Variants in ASB8 observed in about 807,000 individuals in gnomAD.
ASB8 encodes ankyrin repeat and SOCS box containing 8.
In ASB8, 15 loss-of-function variants were observed where a neutral mutation model predicts 22.9. The ratio of observed to expected loss-of-function variants is 0.66; its 90% CI spans 0.44 to 1.01. ASB8 has a LOEUF of 1.01. Ranked by LOEUF, ASB8 falls within the 50% of genes least tolerant of loss-of-function variation. The pLI is 0.00. For synonymous variants in ASB8, 124 were observed against 140.8 expected (o/e 0.88, Z 0.84); for missense variants, 294 against 356.9 (o/e 0.82, Z 1.42).
chr12:48,155,989 C>G (rs1203689218), intron 1 of ASB8, among the ~76,000 whole-genome samples: 2 of 151,780 alleles, frequency 1.3e-5, no homozygotes, highest in Non-Finnish European at 2.9e-5. Context: ...GTTGGCCAAA[C>G]TGGTCTCAAA....
Position 48,155,356 on chromosome 12 carries a change from A to C in ASB8, c.-33-1827T>G, listed in dbSNP as rs921512825. Among the ~76,000 whole-genome samples, 9 of 152,230 alleles carry C rather than the reference A, an allele frequency of 5.9e-5. No homozygotes were observed. The East Asian group carries it at 1.7e-3, about 29-fold the overall frequency. On this transcript the variant is annotated intron_variant, in intron 1 of 3. Transcript: ENST00000317697. ...ACCAATGTAAAGTTTATTACTTTAGATCCTAAGAAATTCAAGACTTGAAAT... is the reference window on the plus strand; with the variant it reads ...ACCAATGTAAAGTTTATTACTTTAGCTCCTAAGAAATTCAAGACTTGAAAT...
intron 1 of ASB8, 69 bp from the exon 2 acceptor site, chr12:48,153,598 C>CT (rs1951239540): frequency 8.0e-7 from 1 of 1,252,346 alleles, no homozygotes; most frequent in Admixed American, 2.1e-5. Flanking sequence ...TAGGTCTTCT[C>CT]TGAGGCCTTC....
chr12:48,156,470 G>T (rs1424731792), intron 1 of ASB8, among the ~76,000 whole-genome samples: 1 of 152,056 alleles, frequency 6.6e-6, no homozygotes. Context: ...TCTAAAGCAG[G>T]AGGCTTGGAC....
At chr12:48,156,868 G>A (rs1478706087) in intron 1 of ASB8, among the ~76,000 whole-genome samples, 2 of 151,514 alleles carry the variant, frequency 1.3e-5, no homozygotes, top group Admixed American at 1.3e-4. Flanking sequence ...AGCAGCCCGT[G>A]TAAGGTTTGA....
intron 1 of ASB8, among the ~76,000 whole-genome samples, chr12:48,155,742 A>AATATATAT (rs1555211490): frequency 2.6e-5 from 3 of 114,954 alleles, no homozygotes; most frequent in East Asian, 2.6e-4. Flanking sequence ...AAAAAAAAAA[A>AATATATAT]ATATATATAT....
intron 1 of ASB8, among the ~76,000 whole-genome samples, chr12:48,156,075 C>A (rs1028887417): frequency 1.3e-5 from 2 of 151,968 alleles, no homozygotes; most frequent in Admixed American, 6.6e-5. Flanking sequence ...CCATGCCCGG[C>A]CTATTTTTGC....
Position 48,153,467 on chromosome 12 carries a change from C to T in ASB8, c.30G>A (p.Gln10=). The T allele has an allele frequency of 6.2e-7, 1 of 1,613,872 alleles. No homozygotes were observed. The highest frequency in any genetic ancestry group is 8.5e-7 in the Non-Finnish European group (1 of 1,179,794). The stretch of plus-strand genomic sequence containing the variant: ...AGAGAGAGTATTTGCTCTGAATGCT[C>T]TGCATAATATACCACATACTGGAAC... MSSSMWYIM[Q]SIQSKYSLSE... is the part of the protein sequence containing the mutation. Residue 10 remains glutamine (Q), a synonymous_variant, in exon 2 of 4, where the codon CAG becomes CAA. Coordinates refer to ENST00000317697, the MANE Select transcript of ASB8 (RefSeq NM_024095.5).
chr12:48,151,388 C>A, intron 2 of ASB8, 83 bp from the exon 3 acceptor site: 2 of 1,161,080 alleles, frequency 1.7e-6, no homozygotes, highest in South Asian at 1.4e-5. Flanking sequence ...GTCCAGGGGA[C>A]AGAGAGTTCT....
chr12:48,155,736 A>ATATAT (rs1555211480), intron 1 of ASB8, among the ~76,000 whole-genome samples: 6 of 120,780 alleles, frequency 5.0e-5, no homozygotes, highest in African/African-American at 1.5e-4. Flanking sequence ...TCTCAAAAAA[A>ATATAT]AAAAAAATAT....
At chr12:48,153,705 GGA>G (rs1460943020) in intron 1 of ASB8, 176 bp from the exon 2 acceptor site, 2 of 455,916 alleles carry the variant, frequency 4.4e-6, no homozygotes, top group East Asian at 8.6e-5. Context: ...GGATAAACCT[GGA>G]CACAAATGTT....
intron 2 of ASB8, among the ~76,000 whole-genome samples, chr12:48,152,150 CAA>C (rs61131844): frequency 5.5e-5 from 7 of 127,902 alleles, no homozygotes; most frequent in East Asian, 4.1e-4. Context: ...AACTCCGTCT[CAA>C]AAAAAAAAAA....
At chr12:48,153,281 T>C in intron 2 of ASB8, 87 bp downstream of exon 2, 1 of 1,508,882 alleles carries the variant, frequency 6.6e-7, no homozygotes, top group Non-Finnish European at 9.2e-7. Flanking sequence ...TGATCTTGGG[T>C]TGAGTCAAAG....
At position 48,155,742 on chromosome 12, in the gene ASB8, A is replaced by AATATATATAT. The variant is rs1555211490; in HGVS notation, c.-34+1707_-34+1716dup. Among the ~76,000 whole-genome samples, 25 of 114,938 alleles carry AATATATATAT rather than the reference A, an allele frequency of 2.2e-4. 1 individual carries two copies. The highest frequency in any genetic ancestry group is 7.4e-4 in the African/African-American group (22 of 29,540). The allele number at this position is 114,938 out of a possible 152,430, so 75.4% of individuals were successfully genotyped here. A position where few individuals can be genotyped will look rare whatever the true frequency, so the allele number is the denominator to read the frequency against. ...GAGACTCCATCTCAAAAAAAAAAAA[A>AATATATATAT]ATATATATATATATATGTATATATA... On this transcript the variant is annotated intron_variant, in intron 1 of 3. Transcript: ENST00000317697.
chr12:48,151,472 C>A, intron 2 of ASB8, 167 bp from the exon 3 acceptor site: 1 of 1,047,622 alleles, frequency 9.5e-7, no homozygotes, highest in Non-Finnish European at 1.4e-6. Context: ...ATGTCCAAAC[C>A]AAAGGAGTAC....
In ASB8 at chr12:48,153,349, T is replaced by G. The variant is rs1292254927; in HGVS notation, c.129+19A>C. On this transcript the variant is annotated intron_variant, in intron 2 of 3. Coordinates refer to ENST00000317697, the MANE Select transcript of ASB8 (RefSeq NM_024095.5). ...ACTTCATATCGCAAGGACTCTCCTG[T>G]CAATACCAGCACACTCACCCCTCTG... 1 of 1,613,570 alleles carries G rather than the reference T, an allele frequency of 6.2e-7. No homozygotes were observed. Among genetic ancestry groups the G allele is most frequent in the Non-Finnish European group, 8.5e-7 (1 of 1,179,568 alleles).
At chr12:48,151,166 G>A (rs1437798334) in intron 3 of ASB8, 35 bp downstream of exon 3, 2 of 1,507,114 alleles carry the variant, frequency 1.3e-6, no homozygotes. Context: ...TCAAGTTTTA[G>A]TGAGTCATTA....
Position 48,149,727 on chromosome 12 carries a change from A to ATGC in ASB8, c.503_505dup (p.Ser168dup). On this transcript the variant is annotated inframe_insertion, in exon 4 of 4. Transcript: ENST00000317697. ...GACCTCTGCGCCATAATCCAGAAGG[A>ATGC]TGCTGACACTCTCAAGATTTCCCTT... The ATGC allele has an allele frequency of 6.2e-7, 1 of 1,614,178 alleles. No individual in the cohort carries two copies. Among genetic ancestry groups the ATGC allele is most frequent in the Non-Finnish European group, 8.5e-7 (1 of 1,180,016 alleles).
Position 48,149,474 on chromosome 12 carries a change from G to A in ASB8, c.759C>T (p.Leu253=), listed in dbSNP as rs780702003. Reference sequence around the variant, plus strand: ...GGCTACGGCGCACGGCATAGCGAGCGAGTGTTTTTAGAGTTCCTGGAGCTG... The same window carrying A: ...GGCTACGGCGCACGGCATAGCGAGCAAGTGTTTTTAGAGTTCCTGGAGCTG... The part of the protein sequence containing the change: ...LCSAPGTLKT[L]ARYAVRRSLG... Residue 253 remains leucine (L), a synonymous_variant, in exon 4 of 4, where the codon CTC becomes CTT. Coordinates refer to ENST00000317697, the MANE Select transcript of ASB8 (RefSeq NM_024095.5). 5.6e-6 allele frequency: 9 copies of A among 1,613,460 alleles called. No individual in the cohort carries two copies. The highest frequency in any genetic ancestry group is 3.3e-5 in the South Asian group (3 of 91,072).
chr12:48,149,096 G>C lies in ASB8; in HGVS notation c.*270C>G, dbSNP rs756045310. On this transcript the variant is annotated 3_prime_UTR_variant, in exon 4 of 4. Coordinates refer to ENST00000317697, the MANE Select transcript of ASB8 (RefSeq NM_024095.5). ...ACACTGTTGACTCCTTCCCTAAAGG[G>C]GAGGATTGAGGGAGACCTCTTCTTT... 1.7e-5 allele frequency: 8 copies of C among 475,866 alleles called. No homozygotes were observed. Among genetic ancestry groups the C allele is most frequent in the Non-Finnish European group, 2.2e-5 (6 of 268,112 alleles). The allele number at this position is 475,866 out of a possible 1,614,324, so 29.5% of individuals were successfully genotyped here.
Sources: gnomAD v4.1 joint callset for allele counts (sites outside exome capture counted in the v4.1 genomes callset) on GRCh38, gnomAD v4.1.1 for gene constraint, MANE v1.5 for transcripts, NCBI Gene and HGNC (gene_info 2026-07-23, HGNC 2026-07-21) for gene names.